Variants in NFYA observed in about 807,000 individuals in gnomAD.
NFYA encodes the protein nuclear transcription factor Y subunit alpha, also known as CAAT-box DNA binding protein subunit A.
A neutral mutation model predicts 52.8 loss-of-function variants in NFYA; 28 were observed. That is an observed-to-expected ratio of 0.53 (90% CI 0.39 to 0.73). NFYA has a LOEUF of 0.73. NFYA is among the 30% of genes least tolerant of loss of function. The pLI, the probability that NFYA is intolerant of heterozygous loss-of-function variation, is 0.00. For missense variants in NFYA, 234 were observed against 427.0 expected (o/e 0.55, Z 3.98); for synonymous variants, 150 against 150.7 (o/e 1.00, Z 0.03).
Position 41,101,969 on chromosome 6 carries a change from G to A in NFYA, c.*4559G>A, listed in dbSNP as rs1764513361. 6.6e-6 allele frequency: 1 copy of A among 152,230 alleles called. No individual in the cohort carries two copies. The allele number at this position is 152,230 out of a possible 1,614,324, so 9.4% of individuals were successfully genotyped here. On this transcript the variant is annotated 3_prime_UTR_variant, in exon 10 of 10. Coordinates refer to ENST00000341376, the MANE Select transcript of NFYA (RefSeq NM_002505.5). The stretch of plus-strand genomic sequence containing the variant: ...GGGGAGAAAGGGGCCAAAAAGTTTA[G>A]GATTTGGAGTTAACATCGTAATTTC...
intron 6 of NFYA, among the ~76,000 whole-genome samples, chr6:41,090,886 A>G (rs1022091780): frequency 6.6e-6 from 1 of 152,238 alleles, no homozygotes; most frequent in Non-Finnish European, 1.5e-5. Flanking sequence ...AGCACCTGTT[A>G]GTCAAATAGT....
intron 1 of NFYA, among the ~76,000 whole-genome samples, chr6:41,074,020 G>A (rs1329003238): frequency 1.3e-5 from 2 of 151,706 alleles, no homozygotes; most frequent in Non-Finnish European, 2.9e-5. Context: ...TCCGGAGGCT[G>A]CACAACTTGC....
intron 1 of NFYA, among the ~76,000 whole-genome samples, chr6:41,074,500 C>T (rs1763674996): frequency 6.6e-6 from 1 of 152,216 alleles, no homozygotes; most frequent in Non-Finnish European, 1.5e-5. Context: ...AAAGGCTTAT[C>T]ACCACCGCAC....
Position 41,099,466 on chromosome 6 carries a change from T to C in NFYA, c.*2056T>C, listed in dbSNP as rs900634808. On this transcript the variant is annotated 3_prime_UTR_variant, in exon 10 of 10. Coordinates refer to ENST00000341376, the MANE Select transcript of NFYA (RefSeq NM_002505.5). ...ATTTGGGGGGAGATGACTTTGAATT[T>C]TGTTTGAAATGCTTCAGTTGTCATT... 2 of 152,254 alleles carry C rather than the reference T, an allele frequency of 1.3e-5. No homozygotes were observed. Among genetic ancestry groups the C allele is most frequent in the African/African-American group, 2.4e-5 (1 of 41,470 alleles). The allele number at this position is 152,254 out of a possible 1,614,324, so 9.4% of individuals were successfully genotyped here. A position where few individuals can be genotyped will look rare whatever the true frequency, so the allele number is the denominator to read the frequency against.
intron 7 of NFYA, among the ~76,000 whole-genome samples, chr6:41,092,576 A>T (rs7761413): frequency 2.1e-3 from 319 of 152,178 alleles, no homozygotes; most frequent in Middle Eastern, 6.8e-3. Context: ...CACTTGGTCT[A>T]TCTATTTTTG....
chr6:41,080,656 T>C (rs908933433), intron 2 of NFYA, among the ~76,000 whole-genome samples, 155 bp from the exon 3 acceptor site: 1 of 152,246 alleles, frequency 6.6e-6, no homozygotes, highest in African/African-American at 2.4e-5. Flanking sequence ...TTAATCCTAC[T>C]ACCTTCAACA....
rs1385105858 is a variant in NFYA, at chr6:41,101,778, A to G, written c.*4368A>G. Reference sequence around the variant, plus strand: ...GGGAAAGAGCTGGCTCCAGATGAAAAGGGCACCATCTCCAGCTCTTGGAAG... The same window carrying G: ...GGGAAAGAGCTGGCTCCAGATGAAAGGGGCACCATCTCCAGCTCTTGGAAG... On this transcript the variant is annotated 3_prime_UTR_variant, in exon 10 of 10. Transcript: ENST00000341376. 6.6e-6 allele frequency among the ~76,000 whole-genome samples: 1 copy of G among 152,028 alleles called. No homozygotes were observed. The highest frequency in any genetic ancestry group is 1.5e-5 in the Non-Finnish European group (1 of 67,990).
At chr6:41,084,763 G>C (rs1417391077) in intron 4 of NFYA, among the ~76,000 whole-genome samples, 1 of 152,222 alleles carries the variant, frequency 6.6e-6, no homozygotes, top group Non-Finnish European at 1.5e-5. Context: ...AGGAGTTCAA[G>C]ACCAGCCTGG....
chr6:41,078,348 A>G (rs1227823073), intron 1 of NFYA, among the ~76,000 whole-genome samples: 3 of 152,316 alleles, frequency 2.0e-5, no homozygotes, highest in Non-Finnish European at 2.9e-5. Flanking sequence ...CAGTTAGGTC[A>G]CGTCATTTTA....
rs1292224512 is a variant in NFYA, at chr6:41,099,309, A to G, written c.*1899A>G. 6.6e-6 allele frequency: 1 copy of G among 152,248 alleles called. No individual in the cohort carries two copies. Among genetic ancestry groups the G allele is most frequent in the Non-Finnish European group, 1.5e-5 (1 of 68,036 alleles). The allele number at this position is 152,248 out of a possible 1,614,324, so 9.4% of individuals were successfully genotyped here. A position where few individuals can be genotyped will look rare whatever the true frequency, so the allele number is the denominator to read the frequency against. The stretch of plus-strand genomic sequence containing the variant: ...TATTCCTTGGTTAATTTAGGAGTCT[A>G]AGATGCAGAGTTCAGAAAGAAATTA... On this transcript the variant is annotated 3_prime_UTR_variant, in exon 10 of 10. Coordinates refer to ENST00000341376, the MANE Select transcript of NFYA (RefSeq NM_002505.5).
At chr6:41,087,032 GAT>G (rs1410937870) in intron 4 of NFYA, among the ~76,000 whole-genome samples, 4 of 152,058 alleles carry the variant, frequency 2.6e-5, no homozygotes, top group African/African-American at 7.2e-5. Context: ...ACTTGGAAAA[GAT>G]ATTTTTAATA....
intron 3 of NFYA, among the ~76,000 whole-genome samples, chr6:41,081,767 T>C (rs1561851595): frequency 6.6e-6 from 1 of 152,226 alleles, no homozygotes; most frequent in African/African-American, 2.4e-5. Context: ...TGACCTGTCT[T>C]ATTACTAGAT....
At chr6:41,093,216 G>C (rs777061919) in intron 8 of NFYA, 131 bp downstream of exon 8, 17 of 767,114 alleles carry the variant, frequency 2.2e-5, no homozygotes, top group Non-Finnish European at 3.4e-5. Flanking sequence ...TGTCTCTTTT[G>C]TAAGAGTTAG....
intron 7 of NFYA, among the ~76,000 whole-genome samples, chr6:41,092,150 CAT>C (rs1369815336): frequency 6.6e-6 from 1 of 152,140 alleles, no homozygotes; most frequent in East Asian, 1.9e-4. Flanking sequence ...GCTAAATCCT[CAT>C]ATGTCAAAAT....
chr6:41,073,286 C>T (rs1467083669), intron 1 of NFYA, among the ~76,000 whole-genome samples: 2 of 151,650 alleles, frequency 1.3e-5, no homozygotes, highest in Non-Finnish European at 2.9e-5. Flanking sequence ...CCTGCAGGGG[C>T]CGCCCCGCGC....
At position 41,079,305 on chromosome 6, in the gene NFYA, A is replaced by G. The variant is rs535686699; in HGVS notation, c.75+141A>G. ...ATTGGGTCTGATGGCTTGTGCTGAA[A>G]TGCCATGTCTAGCCCATGACCACTT... On this transcript the variant is annotated intron_variant, in intron 2 of 9. Transcript: ENST00000341376. 2.8e-5 allele frequency: 21 copies of G among 747,756 alleles called. No homozygotes were observed. The Admixed American group carries it at 2.9e-4, about 10-fold the overall frequency. The allele number at this position is 747,756 out of a possible 1,614,324, so 46.3% of individuals were successfully genotyped here.
intron 4 of NFYA, 83 bp downstream of exon 4, chr6:41,084,275 A>T: frequency 6.8e-7 from 1 of 1,473,058 alleles, no homozygotes; most frequent in Non-Finnish European, 9.1e-7. Context: ...TTGATAATTG[A>T]TATTGCATTT....
At chr6:41,090,836 GGGA>G (rs1380683972) in intron 6 of NFYA, among the ~76,000 whole-genome samples, 1 of 152,230 alleles carries the variant, frequency 6.6e-6, no homozygotes, top group Non-Finnish European at 1.5e-5. Context: ...TGTTTGGTCT[GGGA>G]GGAGGAGTGC....
At chr6:41,087,901 G>A (rs1400971301) in intron 4 of NFYA, among the ~76,000 whole-genome samples, 3 of 152,086 alleles carry the variant, frequency 2.0e-5, no homozygotes, top group Admixed American at 6.5e-5. Flanking sequence ...AGATAGATTT[G>A]GATAGCACAC....
Sources: allele counts gnomAD v4.1 joint callset (sites outside exome capture counted in the v4.1 genomes callset), GRCh38; gene constraint gnomAD v4.1.1; transcripts MANE v1.5; gene names NCBI Gene and HGNC (gene_info 2026-07-23, HGNC 2026-07-21).